The following CD109 variants were observed in gnomAD, a reference collection of about 807,000 sequenced individuals.
The protein encoded by CD109 is CD109 antigen.
Under a neutral mutation model 165.8 loss-of-function variants are expected in CD109, and 149 were observed. That is an observed-to-expected ratio of 0.90 (90% CI 0.79 to 1.03). CD109 has a LOEUF of 1.03. Among genes scored for constraint, CD109 ranks in the 50% least tolerant of loss-of-function variants. The pLI is 0.00. For missense variants in CD109, 1,712 were observed against 1,677.8 expected, an observed-to-expected ratio of 1.02 and a Z score of -0.36; for synonymous variants, 585 against 592.1, an observed-to-expected ratio of 0.99 and a Z score of 0.18.
At position 73,820,571 on chromosome 6, in the gene CD109, T is replaced by C. The variant is rs897399904; in HGVS notation, c.4162+8T>C. The C allele has an allele frequency of 6.8e-7, 1 of 1,459,906 alleles. No individual in the cohort carries two copies. The highest frequency in any genetic ancestry group is 9.5e-7 in the Non-Finnish European group (1 of 1,051,570). The allele number at this position is 1,459,906 out of a possible 1,614,324, so 90.4% of individuals were successfully genotyped here. On this transcript the variant is annotated splice_region_variant and intron_variant, in intron 32 of 32. Transcript: ENST00000287097. ...TGGATTACTATGAGCCAAGTAAGTATGCTCTGGAGTTCTTAATACTTTAGA... is the reference window on the plus strand; with the variant it reads ...TGGATTACTATGAGCCAAGTAAGTACGCTCTGGAGTTCTTAATACTTTAGA...
chr6:73,752,199 C>G (rs1251414674), intron 5 of CD109, among the ~76,000 whole-genome samples: 1 of 152,114 alleles, frequency 6.6e-6, no homozygotes, highest in Non-Finnish European at 1.5e-5. Context: ...ACTCCAGAAG[C>G]AAGAGTTGAA....
the CD109 span, among the ~76,000 whole-genome samples, chr6:73,681,632 C>T: frequency 7.3e-5 from 11 of 150,804 alleles, no homozygotes; most frequent in South Asian, 2.1e-4. Context: ...AATGGAGTTT[C>T]GCTTTTGTCA....
At chr6:73,772,803 G>C (rs1774091656) in intron 15 of CD109, among the ~76,000 whole-genome samples, 1 of 151,778 alleles carries the variant, frequency 6.6e-6, no homozygotes, top group South Asian at 2.1e-4. Context: ...ATATAGTTGG[G>C]TTGATTTGGT....
intron 3 of CD109, among the ~76,000 whole-genome samples, chr6:73,725,216 G>C (rs916168668): frequency 7.2e-5 from 11 of 151,752 alleles, no homozygotes; most frequent in Admixed American, 2.0e-4. Context: ...CCCAGTGCCT[G>C]GGCGCAGAAC....
chr6:73,800,197 A>T (rs1001743659), intron 23 of CD109, among the ~76,000 whole-genome samples: 5 of 152,138 alleles, frequency 3.3e-5, no homozygotes, highest in African/African-American at 1.2e-4. Context: ...TAGTATATCT[A>T]TATGTACTAT....
At position 73,777,601 on chromosome 6, in the gene CD109, G is replaced by A. The variant is rs538804394; in HGVS notation, c.1828-2823G>A. Among the ~76,000 whole-genome samples the A allele has an allele frequency of 2.0e-5, 3 of 152,300 alleles. No homozygotes were observed. In the South Asian group the frequency reaches 6.2e-4, roughly 32 times the overall value. ...CGTTAATTTTTGTATATGATGTAAG[G>A]AAGGGGTCCAGTTTCAGTCTTCTGC... is the stretch of plus-strand genomic sequence containing the variant. On this transcript the variant is annotated intron_variant, in intron 15 of 32. Coordinates refer to ENST00000287097, the MANE Select transcript of CD109 (RefSeq NM_133493.5).
At position 73,713,422 on chromosome 6, in the gene CD109, A is replaced by T. The variant is rs1197245964; in HGVS notation, c.248-9829A>T. 2.7e-5 allele frequency among the ~76,000 whole-genome samples: 4 copies of T among 148,918 alleles called. No individual in the cohort carries two copies. The South Asian group carries it at 6.4e-4, about 24-fold the overall frequency. ...AAGAGTCTTTGTATTTTGTATTTTTATTTTTTTTTTAATAGAGATGGGGTC... is the reference window on the plus strand; with the variant it reads ...AAGAGTCTTTGTATTTTGTATTTTTTTTTTTTTTTTAATAGAGATGGGGTC... On this transcript the variant is annotated intron_variant, in intron 2 of 32. Coordinates refer to ENST00000287097, the MANE Select transcript of CD109 (RefSeq NM_133493.5).
rs1316128023 is a variant in CD109 at position 73,806,838 on chromosome 6, A to G, written c.2961-6A>G. ...TTTTATGTAATTTTTTTCTCTTTTC[A>G]TAAAGGTTGTCAGCTTTTGTTTTAA... On this transcript the variant is annotated splice_polypyrimidine_tract_variant and splice_region_variant and intron_variant, in intron 24 of 32. Transcript: ENST00000287097. 2 of 1,606,822 alleles carry G rather than the reference A, an allele frequency of 1.2e-6. No individual in the cohort carries two copies. Among genetic ancestry groups the G allele is most frequent in the Non-Finnish European group, 8.5e-7 (1 of 1,175,512 alleles).
chr6:73,788,309 T>C (rs941398338), intron 21 of CD109, among the ~76,000 whole-genome samples, 159 bp from the exon 22 acceptor site: 1 of 152,180 alleles, frequency 6.6e-6, no homozygotes, highest in Non-Finnish European at 1.5e-5. Context: ...AAATAAAATA[T>C]CTAATTTAAA....
intron 2 of CD109, among the ~76,000 whole-genome samples, chr6:73,720,947 C>G (rs982501963): frequency 6.6e-6 from 1 of 152,150 alleles, no homozygotes; most frequent in African/African-American, 2.4e-5. Context: ...GCTCTTTTGC[C>G]TGTAACATTG....
intron 29 of CD109, among the ~76,000 whole-genome samples, chr6:73,812,923 C>T (rs145281613): frequency 9.0e-4 from 137 of 152,012 alleles, no homozygotes; most frequent in African/African-American, 3.0e-3. Context: ...TAGAAACAAA[C>T]GACCAAACAA....
At chr6:73,697,617 G>A (rs1179265754) in intron 2 of CD109, 45 bp downstream of exon 2, 1 of 1,547,078 alleles carries the variant, frequency 6.5e-7, no homozygotes, top group African/African-American at 1.4e-5. Context: ...AGTAATAACT[G>A]GAATATGTTA....
intron 15 of CD109, among the ~76,000 whole-genome samples, chr6:73,772,908 C>CT (rs551899269): frequency 0.014 from 1,955 of 141,506 alleles, 42 homozygotes; most frequent in African/African-American, 0.045. Context: ...TTTTTGAAAA[C>CT]TTTTTTTTTT....
chr6:73,746,909 G>A lies in CD109; in HGVS notation c.634-9734G>A, dbSNP rs540626523. Among the ~76,000 whole-genome samples, 108 of 152,308 alleles carry A rather than the reference G, an allele frequency of 7.1e-4. 4 individuals are homozygous for A. In the South Asian group the frequency reaches 0.02, roughly 29 times the overall value. On this transcript the variant is annotated intron_variant, in intron 5 of 32. Transcript: ENST00000287097. ...AGAGAAGGGATCCAGGAACAAAACTGTCTCCTGGGGAGGTTCTGATTCCTC... is the reference window on the plus strand; with the variant it reads ...AGAGAAGGGATCCAGGAACAAAACTATCTCCTGGGGAGGTTCTGATTCCTC...
chr6:73,767,098 G>T (rs1033369175), intron 13 of CD109, 88 bp downstream of exon 13: 11 of 1,082,798 alleles, frequency 1.0e-5, no homozygotes, highest in Admixed American at 2.1e-5. Flanking sequence ...GTGCAGGTTT[G>T]TTATATAGCT....
intron 2 of CD109, among the ~76,000 whole-genome samples, chr6:73,714,649 T>C (rs1220304827): frequency 6.6e-6 from 1 of 152,258 alleles, no homozygotes; most frequent in African/African-American, 2.4e-5. Context: ...GTGTGAAGAA[T>C]TGACATGAGT....
chr6:73,823,776 G>A lies in CD109; in HGVS notation c.*143G>A. On this transcript the variant is annotated 3_prime_UTR_variant, in exon 33 of 33. Coordinates refer to ENST00000287097, the MANE Select transcript of CD109 (RefSeq NM_133493.5). ...GGGTTGCAGGGATGGTGTACAACAG[G>A]TCCTAGCATGTATAGCTGCATAGAT... The A allele has an allele frequency of 1.6e-6, 1 of 622,000 alleles. No homozygotes were observed. The highest frequency in any genetic ancestry group is 1.8e-5 in the African/African-American group (1 of 55,132). The allele number at this position is 622,000 out of a possible 1,614,324, so 38.5% of individuals were successfully genotyped here.
intron 2 of CD109, among the ~76,000 whole-genome samples, chr6:73,701,556 TG>T (rs1771079971): frequency 6.6e-6 from 1 of 152,204 alleles, no homozygotes; most frequent in African/African-American, 2.4e-5. Context: ...AAGAACATTT[TG>T]AGAACTGTCC....
chr6:73,778,275 G>A (rs572782009), intron 15 of CD109, among the ~76,000 whole-genome samples: 21 of 152,222 alleles, frequency 1.4e-4, no homozygotes, highest in East Asian at 1.4e-3. Context: ...GTTGTTTATC[G>A]GTTTAAGAAA....
Sources: gnomAD v4.1 joint callset for allele counts (sites outside exome capture counted in the v4.1 genomes callset) on GRCh38, gnomAD v4.1.1 for gene constraint, MANE v1.5 for transcripts, NCBI Gene and HGNC (gene_info 2026-07-23, HGNC 2026-07-21) for gene names.